MEGF9: variants seen among roughly 807,000 people sequenced by gnomAD.
The protein encoded by MEGF9 is multiple epidermal growth factor-like domains protein 9.
In MEGF9, 6 loss-of-function variants were observed where a neutral mutation model predicts 46.8. The ratio of observed to expected loss-of-function variants is 0.13; its 90% CI spans 0.07 to 0.25. MEGF9 has a LOEUF of 0.25. Among genes scored for constraint, MEGF9 ranks in the 10% least tolerant of loss-of-function variants. The pLI is 1.00. For synonymous variants in MEGF9, 302 were observed against 330.7 expected (o/e 0.91, Z 0.94); for missense variants, 683 against 792.4 (o/e 0.86, Z 1.66).
intron 2 of MEGF9, among the ~76,000 whole-genome samples, chr9:120,632,760 T>C (rs2043556345): frequency 6.6e-6 from 1 of 152,308 alleles, no homozygotes; most frequent in Non-Finnish European, 1.5e-5. Flanking sequence ...TATTCTGAGG[T>C]ACGTTTCTTC....
chr9:120,669,388 A>T (rs1388754652), intron 1 of MEGF9, among the ~76,000 whole-genome samples: 1 of 152,178 alleles, frequency 6.6e-6, no homozygotes, highest in African/African-American at 2.4e-5. Flanking sequence ...AAAGACAAAG[A>T]TCTTCAAGAT....
intron 2 of MEGF9, among the ~76,000 whole-genome samples, chr9:120,644,748 TA>T (rs1322610243): frequency 6.6e-6 from 1 of 152,218 alleles, no homozygotes; most frequent in Non-Finnish European, 1.5e-5. Context: ...AAACAGTCGG[TA>T]AATGTTAGTG....
intron 4 of MEGF9, 151 bp downstream of exon 4, chr9:120,612,245 G>T: frequency 1.7e-6 from 1 of 601,446 alleles, no homozygotes. Context: ...ATTTGGATTA[G>T]ATTATAAATT....
chr9:120,692,054 G>A (rs565338561), intron 1 of MEGF9, among the ~76,000 whole-genome samples: 21 of 152,190 alleles, frequency 1.4e-4, no homozygotes, highest in South Asian at 1.2e-3. Flanking sequence ...TTTAAGGTAA[G>A]GACTGAAAGT....
At chr9:120,629,903 A>C (rs2043543187) in intron 2 of MEGF9, among the ~76,000 whole-genome samples, 1 of 151,990 alleles carries the variant, frequency 6.6e-6, no homozygotes, top group Admixed American at 6.6e-5. Flanking sequence ...ACTGCACTCC[A>C]GCCTGGGCAA....
Position 120,601,557 on chromosome 9 carries a change from T to C in MEGF9, c.*3633A>G, listed in dbSNP as rs2043396080. ...GAATATTGGCGCTAGAGAACAGTGA[T>C]ATAATTTGAGGTGTCTACAAATGTT... On this transcript the variant is annotated 3_prime_UTR_variant, in exon 6 of 6. Transcript: ENST00000373930. 1 of 152,204 alleles carries C rather than the reference T, an allele frequency of 6.6e-6. No homozygotes were observed. Among genetic ancestry groups the C allele is most frequent in the Non-Finnish European group, 1.5e-5 (1 of 68,042 alleles). The allele number at this position is 152,204 out of a possible 1,614,324, so 9.4% of individuals were successfully genotyped here. A position where few individuals can be genotyped will look rare whatever the true frequency, so the allele number is the denominator to read the frequency against.
rs146568848 is a variant in MEGF9, at chr9:120,646,900, T to A, written c.803+12474A>T. On this transcript the variant is annotated intron_variant, in intron 2 of 5. Transcript: ENST00000373930. ...TAATTATTTATACTATTAGCATATA[T>A]TCAACTACAGATTTAGAGGGGAGCT... 2.1e-3 allele frequency among the ~76,000 whole-genome samples: 321 copies of A among 152,240 alleles called. 1 individual carries two copies. The highest frequency in any genetic ancestry group is 7.3e-3 in the African/African-American group (302 of 41,582).
chr9:120,674,081 A>G (rs2043762470), intron 1 of MEGF9, among the ~76,000 whole-genome samples: 1 of 152,168 alleles, frequency 6.6e-6, no homozygotes, highest in Admixed American at 6.5e-5. Context: ...TTGACCTTGC[A>G]TTAGGCAAAG....
intron 1 of MEGF9, among the ~76,000 whole-genome samples, chr9:120,695,981 T>G (rs1179775353): frequency 6.6e-6 from 1 of 152,178 alleles, no homozygotes; most frequent in African/African-American, 2.4e-5. Context: ...TTCAAAGGAA[T>G]GAACAGGAGG....
chr9:120,711,869 A>ACC (rs1554800503), intron 1 of MEGF9, among the ~76,000 whole-genome samples: 7 of 149,834 alleles, frequency 4.7e-5, no homozygotes, highest in Non-Finnish European at 1.0e-4. Context: ...ACACACACAC[A>ACC]CACCCACAGG....
intron 1 of MEGF9, among the ~76,000 whole-genome samples, chr9:120,667,443 T>A (rs1227315864): frequency 6.6e-6 from 1 of 152,238 alleles, no homozygotes; most frequent in Non-Finnish European, 1.5e-5. Flanking sequence ...TAAAGATGTA[T>A]AGGATTACTA....
At chr9:120,646,966 C>T (rs540467092) in intron 2 of MEGF9, among the ~76,000 whole-genome samples, 1 of 151,836 alleles carries the variant, frequency 6.6e-6, no homozygotes, top group Non-Finnish European at 1.5e-5. Flanking sequence ...CTATAAATAA[C>T]AAAATTTTAA....
At chr9:120,639,974 T>C (rs1423932947) in intron 2 of MEGF9, among the ~76,000 whole-genome samples, 1 of 152,206 alleles carries the variant, frequency 6.6e-6, no homozygotes, top group Non-Finnish European at 1.5e-5. Flanking sequence ...CTGCCATATA[T>C]CAAATGTCTT....
intron 2 of MEGF9, among the ~76,000 whole-genome samples, chr9:120,657,941 A>T (rs2043684903): frequency 6.6e-6 from 1 of 152,088 alleles, no homozygotes; most frequent in African/African-American, 2.4e-5. Flanking sequence ...AGAAGCATTG[A>T]TTATTGCTGC....
chr9:120,607,653 T>C (rs2043425200), intron 5 of MEGF9, 88 bp downstream of exon 5: 3 of 1,385,642 alleles, frequency 2.2e-6, no homozygotes, highest in Non-Finnish European at 3.0e-6. Context: ...GAAACTCCTC[T>C]GGTAGGGTTA....
intron 2 of MEGF9, among the ~76,000 whole-genome samples, chr9:120,645,656 A>G (rs954444678): frequency 6.6e-6 from 1 of 152,232 alleles, no homozygotes; most frequent in Non-Finnish European, 1.5e-5. Context: ...ATTTAGGCAT[A>G]TGAGGGCCAG....
In MEGF9 at chr9:120,613,312, G is replaced by A. The variant is rs540801907; in HGVS notation, c.944-773C>T. Among the ~76,000 whole-genome samples the A allele has an allele frequency of 7.2e-5, 11 of 152,090 alleles. No individual in the cohort carries two copies. In the South Asian group the frequency reaches 2.1e-3, roughly 29 times the overall value. The stretch of plus-strand genomic sequence containing the variant: ...AGGTAAAAATTAAAATGTGGATTGC[G>A]AGGGTATAGGGGAATTTTACACTCT... On this transcript the variant is annotated intron_variant, in intron 3 of 5. Transcript: ENST00000373930.
intron 2 of MEGF9, among the ~76,000 whole-genome samples, chr9:120,627,237 G>A (rs1054896746): frequency 2.0e-5 from 3 of 152,112 alleles, no homozygotes; most frequent in African/African-American, 7.2e-5. Context: ...CCTACATTAG[G>A]TGGGATCAAA....
chr9:120,712,165 G>A (rs992892520), intron 1 of MEGF9, among the ~76,000 whole-genome samples: 1 of 152,148 alleles, frequency 6.6e-6, no homozygotes, highest in African/African-American at 2.4e-5. Flanking sequence ...AGCTGAGGTG[G>A]GAGGATCGCT....
Sources: gnomAD v4.1 joint callset for allele counts (sites outside exome capture counted in the v4.1 genomes callset) on GRCh38, gnomAD v4.1.1 for gene constraint, MANE v1.5 for transcripts, NCBI Gene and HGNC (gene_info 2026-07-23, HGNC 2026-07-21) for gene names.